The following SLC1A3 variants were observed in gnomAD, a reference collection of about 807,000 sequenced individuals.
SLC1A3 encodes the protein excitatory amino acid transporter 1.
In SLC1A3, 21 loss-of-function variants were observed where a neutral mutation model predicts 48.1. The observed-to-expected ratio is 0.44, with a 90% CI of 0.31 to 0.63. The LOEUF (loss-of-function observed/expected upper bound fraction) is 0.63, where lower values mean the gene tolerates loss of function less well. Ranked by LOEUF, SLC1A3 falls within the 20% of genes least tolerant of loss-of-function variation. The pLI is 0.08. For synonymous variants in SLC1A3, 239 were observed against 251.4 expected (o/e 0.95, Z 0.47); for missense variants, 546 against 689.0 (o/e 0.79, Z 2.32).
intron 3 of SLC1A3, among the ~76,000 whole-genome samples, chr5:36,651,880 C>T (rs113966611): frequency 1.3e-5 from 2 of 152,110 alleles, no homozygotes; most frequent in Non-Finnish European, 2.9e-5. Flanking sequence ...TGCTGCATAA[C>T]ATTTTTCAGA....
chr5:36,677,384 C>T (rs1208702336), intron 6 of SLC1A3, among the ~76,000 whole-genome samples, 200 bp downstream of exon 6: 1 of 152,182 alleles, frequency 6.6e-6, no homozygotes, highest in Non-Finnish European at 1.5e-5. Context: ...AAGTTTGCTT[C>T]CTTGTTTTCA....
chr5:36,669,053 A>G (rs1255921790), intron 3 of SLC1A3: 2 of 152,306 alleles, frequency 1.3e-5, no homozygotes, highest in African/African-American at 4.8e-5. Flanking sequence ...TCTCGGAGGA[A>G]GAAAATACTG....
intron 5 of SLC1A3, 97 bp from the exon 6 acceptor site, chr5:36,676,793 CAG>C: frequency 1.1e-6 from 1 of 890,434 alleles, no homozygotes; most frequent in Non-Finnish European, 1.7e-6. Flanking sequence ...TACAAAGTAA[CAG>C]AGTAACAGTA....
At chr5:36,642,757 T>C (rs976769947) in intron 3 of SLC1A3, among the ~76,000 whole-genome samples, 1 of 152,184 alleles carries the variant, frequency 6.6e-6, no homozygotes. Context: ...CTAGTCTACT[T>C]TCTTTCTCTA....
intron 2 of SLC1A3, among the ~76,000 whole-genome samples, chr5:36,627,539 T>A (rs1739959902): frequency 6.6e-6 from 1 of 152,004 alleles, no homozygotes; most frequent in African/African-American, 2.4e-5. Context: ...CATATATTCA[T>A]CATGATATGC....
chr5:36,638,415 C>G (rs921636484), intron 3 of SLC1A3, among the ~76,000 whole-genome samples: 6 of 152,154 alleles, frequency 3.9e-5, no homozygotes, highest in Non-Finnish European at 7.4e-5. Context: ...AGTATGCTTC[C>G]CTCTTCCCTA....
In SLC1A3 at chr5:36,608,411, A is replaced by G. The variant is rs1226268003; in HGVS notation, c.-13A>G. Reference sequence around the variant, plus strand: ...TGAAGTGCAAAGAAGAGACCCTCCTAGAAAAGTAAAATATGACTAAAAGCA... The same window carrying G: ...TGAAGTGCAAAGAAGAGACCCTCCTGGAAAAGTAAAATATGACTAAAAGCA... On this transcript the variant is annotated 5_prime_UTR_variant, in exon 2 of 10. Transcript: ENST00000265113. 1.9e-6 allele frequency: 3 copies of G among 1,613,486 alleles called. No homozygotes were observed. The highest frequency in any genetic ancestry group is 2.5e-6 in the Non-Finnish European group (3 of 1,179,672).
rs367769098 is a variant in SLC1A3, at chr5:36,644,257, T to C, written c.319+14670T>C. On this transcript the variant is annotated intron_variant, in intron 3 of 9. Transcript: ENST00000265113. ...AGGATTCTTGCTCTTATCCGTGTGA[T>C]ACATGTTTTGGCTAAAGCTTTGAAG... 2.0e-4 allele frequency among the ~76,000 whole-genome samples: 31 copies of C among 152,268 alleles called. No homozygotes were observed. The East Asian group carries it at 5.8e-3, about 28-fold the overall frequency.
At chr5:36,608,880 A>G in intron 2 of SLC1A3, 1 of 1,161,486 alleles carries the variant, frequency 8.6e-7, no homozygotes, top group Non-Finnish European at 1.1e-6. Context: ...ATGTAAGGAT[A>G]AGGAAGTGAT....
chr5:36,602,289 T>C (rs1488074277), upstream of SLC1A3, among the ~76,000 whole-genome samples: 2 of 152,088 alleles, frequency 1.3e-5, no homozygotes, highest in Non-Finnish European at 2.9e-5. Context: ...AGCATATTAC[T>C]CAATCCCTAC....
chr5:36,628,010 A>T (rs934514359), intron 2 of SLC1A3, among the ~76,000 whole-genome samples: 2 of 152,212 alleles, frequency 1.3e-5, no homozygotes, highest in African/African-American at 4.8e-5. Flanking sequence ...GAGCTCAGTA[A>T]GCATTAGTTA....
At chr5:36,661,347 G>A (rs552098201) in intron 3 of SLC1A3, among the ~76,000 whole-genome samples, 15 of 152,356 alleles carry the variant, frequency 9.8e-5, no homozygotes, top group African/African-American at 3.6e-4. Context: ...GGGAGGCAGA[G>A]GTTGCAGTAA....
At chr5:36,680,275 T>G (rs1742384504) in intron 7 of SLC1A3, 120 bp from the exon 8 acceptor site, 1 of 834,680 alleles carries the variant, frequency 1.2e-6, no homozygotes, top group Non-Finnish European at 2.0e-6. Flanking sequence ...AATTGCTGAC[T>G]TAGTTCCCTT....
At chr5:36,659,925 T>C (rs1188203587) in intron 3 of SLC1A3, among the ~76,000 whole-genome samples, 1 of 152,236 alleles carries the variant, frequency 6.6e-6, no homozygotes, top group Non-Finnish European at 1.5e-5. Flanking sequence ...ACCTTACCAA[T>C]TCATTCCATT....
chr5:36,670,764 A>T (rs1383278865), intron 3 of SLC1A3: 5 of 531,366 alleles, frequency 9.4e-6, no homozygotes, highest in Admixed American at 6.1e-5. Flanking sequence ...AGAGAACAGT[A>T]TTGATTTGGC....
At chr5:36,667,691 G>A (rs1741811529) in intron 3 of SLC1A3, 1 of 152,108 alleles carries the variant, frequency 6.6e-6, no homozygotes, top group African/African-American at 2.4e-5. Context: ...GTGAGTCTTT[G>A]GACCACATAA....
Position 36,674,047 on chromosome 5 carries a change from A to G in SLC1A3, c.525-2A>G, listed in dbSNP as rs749277303. ...TGCAAGTGACTATTACTTTCTTTGC[A>G]GGAACATGTTCCCTCCAAATCTGGT... On this transcript the variant is annotated splice_acceptor_variant, in intron 4 of 9. Transcript: ENST00000265113. LOFTEE classifies it high-confidence loss of function. 1 of 1,612,876 alleles carries G rather than the reference A, an allele frequency of 6.2e-7. No homozygotes were observed.
chr5:36,684,910 T>G (rs151205496), intron 9 of SLC1A3, among the ~76,000 whole-genome samples: 19 of 152,164 alleles, frequency 1.2e-4, no homozygotes, highest in Non-Finnish European at 2.1e-4. Flanking sequence ...TACTGCAAGA[T>G]TCAGTGCAAT....
intron 2 of SLC1A3, 34 bp downstream of exon 2, chr5:36,608,638 A>G (rs370710062): frequency 6.2e-7 from 1 of 1,609,770 alleles, no homozygotes; most frequent in Non-Finnish European, 8.5e-7. Context: ...AAAAACCTGT[A>G]TCTTGTTTCT....
Sources: gnomAD v4.1 joint callset for allele counts (sites outside exome capture counted in the v4.1 genomes callset) on GRCh38, gnomAD v4.1.1 for gene constraint, MANE v1.5 for transcripts, NCBI Gene and HGNC (gene_info 2026-07-23, HGNC 2026-07-21) for gene names.